The following LYPLAL1 variants were observed in gnomAD, a reference collection of about 807,000 sequenced individuals.
The protein encoded by LYPLAL1 is lysophospholipase like 1.
LYPLAL1 carries 23 observed loss-of-function variants against 19.7 expected under a neutral mutation model. The observed-to-expected ratio is 1.17, with a 90% confidence interval of 0.84 to 1.65. The LOEUF (loss-of-function observed/expected upper bound fraction) is 1.65, where lower values mean the gene tolerates loss of function less well. Ranked by LOEUF, LYPLAL1 falls within the 40% of genes most tolerant of loss-of-function variation. The pLI is 0.00. For synonymous variants in LYPLAL1, 119 were observed against 96.3 expected (o/e 1.24, Z -1.38); for missense variants, 355 against 279.4 (o/e 1.27, Z -1.93).
chr1:219,375,804 C>T, the LYPLAL1 span, among the ~76,000 whole-genome samples: 10,142 of 149,200 alleles, frequency 0.068, 484 homozygotes, highest in South Asian at 0.14. Flanking sequence ...TACAGTGGCG[C>T]GATCTCAGCT....
chr1:219,212,715 T>C lies in LYPLAL1; in HGVS notation c.*987T>C, dbSNP rs748458801. ...AAATTATCATGAGATTTTTCCATGT[T>C]GTGTACATCAATAGTTCATCTATTT... On this transcript the variant is annotated 3_prime_UTR_variant, in exon 5 of 5. Transcript: ENST00000366928. 2.0e-5 allele frequency: 3 copies of C among 152,050 alleles called. No individual in the cohort carries two copies. Among genetic ancestry groups the C allele is most frequent in the Non-Finnish European group, 4.4e-5 (3 of 67,938 alleles). The allele number at this position is 152,050 out of a possible 1,614,324, so 9.4% of individuals were successfully genotyped here. A position where few individuals can be genotyped will look rare whatever the true frequency, so the allele number is the denominator to read the frequency against.
chr1:219,264,204 C>G, the LYPLAL1 span, among the ~76,000 whole-genome samples: 1 of 152,182 alleles, frequency 6.6e-6, no homozygotes, highest in Non-Finnish European at 1.5e-5. Flanking sequence ...CCACTCTGTT[C>G]TAACAGCTGA....
At chr1:219,247,665 T>C in the LYPLAL1 span, among the ~76,000 whole-genome samples, 86 of 152,156 alleles carry the variant, frequency 5.7e-4, no homozygotes, top group African/African-American at 2.0e-3. Context: ...AATATGACTA[T>C]GTGGGTTAAA....
chr1:219,209,834 A>G (rs1169241013), intron 3 of LYPLAL1, among the ~76,000 whole-genome samples: 2 of 152,076 alleles, frequency 1.3e-5, no homozygotes, highest in African/African-American at 2.4e-5. Context: ...TCCCCTGAAC[A>G]GGAGGGTCTG....
At chr1:219,252,712 AT>A in the LYPLAL1 span, among the ~76,000 whole-genome samples, 1 of 151,966 alleles carries the variant, frequency 6.6e-6, no homozygotes, top group Non-Finnish European at 1.5e-5. Context: ...TTTTTGCATC[AT>A]TGTTCATCAA....
At chr1:219,440,016 C>CATATATATATATATAT in the LYPLAL1 span, among the ~76,000 whole-genome samples, 849 of 99,298 alleles carry the variant, frequency 8.6e-3, 42 homozygotes, top group Admixed American at 0.062. Context: ...TATATATACA[C>CATATATATATATATAT]ACACACACAT....
chr1:219,211,752 T>C lies in LYPLAL1; in HGVS notation c.*24T>C. ...GAATGAATCAAGAGTGATTTGTTAA[T>C]GTAAGTGTAATGTCTTTGTGAAAAG... On this transcript the variant is annotated 3_prime_UTR_variant, in exon 5 of 5. Coordinates refer to ENST00000366928, the MANE Select transcript of LYPLAL1 (RefSeq NM_138794.5). 1 of 1,483,802 alleles carries C rather than the reference T, an allele frequency of 6.7e-7. No homozygotes were observed. Among genetic ancestry groups the C allele is most frequent in the Non-Finnish European group, 9.2e-7 (1 of 1,083,630 alleles). 91.9% of individuals were successfully genotyped at this position (1,483,802 alleles called of 1,614,324 possible). A position where few individuals can be genotyped will look rare whatever the true frequency, so the allele number is the denominator to read the frequency against.
chr1:219,225,116 G>A, the LYPLAL1 span, among the ~76,000 whole-genome samples: 146,870 of 152,216 alleles, frequency 0.96, 71,076 homozygotes, highest in East Asian at 1. Flanking sequence ...GCTTCAGACT[G>A]CTGGCTCCAT....
the LYPLAL1 span, among the ~76,000 whole-genome samples, chr1:219,397,504 C>T: frequency 6.6e-6 from 1 of 152,066 alleles, no homozygotes; most frequent in Non-Finnish European, 1.5e-5. Context: ...GCTCTTTGTG[C>T]ACCAGTTTGC....
chr1:219,175,638 A>G (rs1412496417), intron 1 of LYPLAL1, among the ~76,000 whole-genome samples: 2 of 152,196 alleles, frequency 1.3e-5, no homozygotes, highest in Non-Finnish European at 2.9e-5. Flanking sequence ...TTGAACCAAG[A>G]ATTTATTCAA....
At chr1:219,231,460 G>A in the LYPLAL1 span, among the ~76,000 whole-genome samples, 5 of 152,014 alleles carry the variant, frequency 3.3e-5, no homozygotes, top group Admixed American at 2.6e-4. Context: ...ATATATTCAT[G>A]CAAATGTGCA....
the LYPLAL1 span, among the ~76,000 whole-genome samples, chr1:219,324,482 TC>T: frequency 3.9e-5 from 6 of 152,216 alleles, no homozygotes; most frequent in South Asian, 1.2e-3. Context: ...TCTTATCCCT[TC>T]CCCCTCTGCA....
chr1:219,244,820 G>A, the LYPLAL1 span, among the ~76,000 whole-genome samples: 1 of 149,398 alleles, frequency 6.7e-6, no homozygotes, highest in African/African-American at 2.5e-5. Flanking sequence ...CGTGGTGCAT[G>A]CCTGTAATCC....
Position 219,210,633 on chromosome 1 carries a change from TCTG to T in LYPLAL1, c.467_469del (p.Ala156del). On this transcript the variant is annotated inframe_deletion, in exon 4 of 5. Coordinates refer to ENST00000366928, the MANE Select transcript of LYPLAL1 (RefSeq NM_138794.5). ...TCTTTCTAGTTTTCTGAATAAAGCA[TCTG>T]CTGTTTACCAGGTAAGTTCCAGATT... 1 of 1,607,838 alleles carries T rather than the reference TCTG, an allele frequency of 6.2e-7. No homozygotes were observed. The highest frequency in any genetic ancestry group is 8.5e-7 in the Non-Finnish European group (1 of 1,176,902).
the LYPLAL1 span, among the ~76,000 whole-genome samples, chr1:219,376,527 A>G: frequency 2.0e-5 from 3 of 152,248 alleles, no homozygotes; most frequent in Non-Finnish European, 2.9e-5. Context: ...CAACAGAGTG[A>G]AAAGACAAGT....
the LYPLAL1 span, among the ~76,000 whole-genome samples, chr1:219,297,332 T>G: frequency 6.6e-6 from 1 of 152,244 alleles, no homozygotes; most frequent in Non-Finnish European, 1.5e-5. Flanking sequence ...TAAGACTGAT[T>G]GAATTCTTAG....
At chr1:219,260,128 C>A in the LYPLAL1 span, among the ~76,000 whole-genome samples, 1 of 151,628 alleles carries the variant, frequency 6.6e-6, no homozygotes, top group African/African-American at 2.4e-5. Flanking sequence ...GAGGAAATAT[C>A]AAAATAAAGT....
At chr1:219,243,307 A>G in the LYPLAL1 span, among the ~76,000 whole-genome samples, 5 of 152,200 alleles carry the variant, frequency 3.3e-5, no homozygotes, top group African/African-American at 4.8e-5. Context: ...AAAGAGGACA[A>G]TTAAGAAGGC....
chr1:219,354,173 C>G, the LYPLAL1 span, among the ~76,000 whole-genome samples: 267 of 152,226 alleles, frequency 1.8e-3, 1 homozygote, highest in Non-Finnish European at 2.9e-3. Context: ...AGGAAAGATA[C>G]TTAAAGAAAA....
Sources: gnomAD v4.1 joint callset for allele counts (sites outside exome capture counted in the v4.1 genomes callset) on GRCh38, gnomAD v4.1.1 for gene constraint, MANE v1.5 for transcripts, NCBI Gene and HGNC (gene_info 2026-07-23, HGNC 2026-07-21) for gene names.